The following UNC5C variants were observed in gnomAD, a reference collection of about 807,000 sequenced individuals.
The protein encoded by UNC5C is netrin receptor UNC5C.
A neutral mutation model predicts 99.8 loss-of-function variants in UNC5C; 47 were observed. The ratio of observed to expected loss-of-function variants is 0.47; its 90% CI spans 0.37 to 0.60. The LOEUF is 0.60. Among genes scored for constraint, UNC5C ranks in the 20% least tolerant of loss-of-function variants. The probability of loss-of-function intolerance (pLI) is 0.00; values close to 1 mark genes in which losing one functional copy is unlikely to be tolerated. For missense variants in UNC5C, 1,062 were observed against 1,165.9 expected (o/e 0.91, Z 1.30); for synonymous variants, 487 against 452.2 (o/e 1.08, Z -0.98).
At chr4:95,513,178 T>A (rs1306475659) in intron 1 of UNC5C, among the ~76,000 whole-genome samples, 1 of 152,206 alleles carries the variant, frequency 6.6e-6, no homozygotes, top group Non-Finnish European at 1.5e-5. Flanking sequence ...CATCCCGGCA[T>A]GTAATGCAAT....
intron 1 of UNC5C, among the ~76,000 whole-genome samples, chr4:95,403,360 G>A (rs1209450447): frequency 1.3e-5 from 2 of 152,110 alleles, no homozygotes; most frequent in Admixed American, 6.6e-5. Flanking sequence ...CTGGAACCCC[G>A]CTGCTGCTCA....
At chr4:95,530,118 G>A (rs1471986753) in intron 1 of UNC5C, among the ~76,000 whole-genome samples, 6 of 151,978 alleles carry the variant, frequency 3.9e-5, no homozygotes, top group Non-Finnish European at 8.8e-5. Flanking sequence ...CATTTTTGAG[G>A]GTTGGTCTCT....
intron 12 of UNC5C, among the ~76,000 whole-genome samples, chr4:95,199,298 G>A (rs370136388): frequency 1.2e-3 from 178 of 152,254 alleles, no homozygotes; most frequent in South Asian, 5.6e-3. Context: ...CAATTCAAGC[G>A]TGGGTGTGAG....
chr4:95,314,431 A>G (rs552977677), intron 2 of UNC5C, among the ~76,000 whole-genome samples: 1 of 152,336 alleles, frequency 6.6e-6, no homozygotes, highest in African/African-American at 2.4e-5. Flanking sequence ...CCTGACATGA[A>G]GAATCAAAGT....
intron 1 of UNC5C, among the ~76,000 whole-genome samples, chr4:95,542,028 T>C (rs1157134168): frequency 2.0e-5 from 3 of 152,106 alleles, no homozygotes; most frequent in Non-Finnish European, 4.4e-5. Flanking sequence ...ATAGCTCTCA[T>C]AATTGCTGAG....
At position 95,166,579 on chromosome 4, in the gene UNC5C, A is replaced by C. The variant is rs1363534388; in HGVS notation, c.*2655T>G. The C allele has an allele frequency of 6.6e-6, 1 of 152,182 alleles. No individual in the cohort carries two copies. The highest frequency in any genetic ancestry group is 2.4e-5 in the African/African-American group (1 of 41,448). 9.4% of individuals were successfully genotyped at this position (152,182 alleles called of 1,614,324 possible). A position where few individuals can be genotyped will look rare whatever the true frequency, so the allele number is the denominator to read the frequency against. Reference sequence around the variant, plus strand: ...TGTTGGTGACTTTTTAGTCAAAATAAGTTTTTAGTAACAGTTATGGAATTG... The same window carrying C: ...TGTTGGTGACTTTTTAGTCAAAATACGTTTTTAGTAACAGTTATGGAATTG... On this transcript the variant is annotated 3_prime_UTR_variant, in exon 16 of 16. Coordinates refer to ENST00000453304, the MANE Select transcript of UNC5C (RefSeq NM_003728.4).
chr4:95,251,270 A>G (rs1221431430), intron 4 of UNC5C, among the ~76,000 whole-genome samples: 1 of 152,196 alleles, frequency 6.6e-6, no homozygotes, highest in African/African-American at 2.4e-5. Context: ...ATAGTTGGAG[A>G]TGTATCTAAG....
chr4:95,301,222 G>A (rs1477500551), intron 3 of UNC5C, among the ~76,000 whole-genome samples: 4 of 119,448 alleles, frequency 3.3e-5, no homozygotes, highest in Middle Eastern at 8.1e-3. Flanking sequence ...TTTTGAGACA[G>A]TCTTGCTCTG....
At chr4:95,171,926 C>T (rs900384555) in intron 14 of UNC5C, among the ~76,000 whole-genome samples, 1 of 151,644 alleles carries the variant, frequency 6.6e-6, no homozygotes, top group African/African-American at 2.4e-5. Context: ...TTAATGATTG[C>T]CATTCTAACT....
chr4:95,492,405 A>G (rs1260979778), intron 1 of UNC5C, among the ~76,000 whole-genome samples: 1 of 151,354 alleles, frequency 6.6e-6, no homozygotes, highest in African/African-American at 2.4e-5. Flanking sequence ...TTAACATGGA[A>G]TAATCTTAGC....
chr4:95,296,163 C>T (rs910259827), intron 3 of UNC5C, among the ~76,000 whole-genome samples: 11 of 152,220 alleles, frequency 7.2e-5, no homozygotes, highest in African/African-American at 2.4e-4. Context: ...TGATAAGGAT[C>T]AGCCTGTACA....
At chr4:95,286,729 G>A (rs1375292962) in intron 3 of UNC5C, among the ~76,000 whole-genome samples, 1 of 152,114 alleles carries the variant, frequency 6.6e-6, no homozygotes, top group African/African-American at 2.4e-5. Flanking sequence ...GGAGATGTGG[G>A]TACAAAACCA....
intron 1 of UNC5C, among the ~76,000 whole-genome samples, chr4:95,370,710 A>G (rs959561407): frequency 3.0e-4 from 46 of 152,248 alleles, no homozygotes; most frequent in African/African-American, 1.1e-3. Context: ...AGCAAACTGC[A>G]CCACCCATTG....
chr4:95,203,358 C>T (rs1023249674), intron 11 of UNC5C, among the ~76,000 whole-genome samples: 3 of 152,080 alleles, frequency 2.0e-5, no homozygotes, highest in African/African-American at 4.8e-5. Context: ...TAATCTTGGC[C>T]GTCAGATTCT....
At chr4:95,179,760 A>G (rs1037573246) in intron 14 of UNC5C, among the ~76,000 whole-genome samples, 9 of 151,454 alleles carry the variant, frequency 5.9e-5, no homozygotes, top group African/African-American at 1.9e-4. Flanking sequence ...AAAAAAAAAA[A>G]AAAAAGAAAA....
At chr4:95,196,815 ATATATT>A (rs1390601785) in intron 12 of UNC5C, among the ~76,000 whole-genome samples, 2,068 of 4,094 alleles carry the variant, frequency 0.51, 67 homozygotes, top group South Asian at 0.52. Context: ...AATATATAAT[ATATATT>A]TATATATTAT....
intron 12 of UNC5C, among the ~76,000 whole-genome samples, chr4:95,192,613 T>TTCTCCCCTGCTCACCC (rs1737196926): frequency 7.2e-6 from 1 of 138,118 alleles, no homozygotes; most frequent in Non-Finnish European, 1.6e-5. Flanking sequence ...CCTGCTCACC[T>TTCTCCCCTGCTCACCC]TCTCCCCTGC....
intron 2 of UNC5C, among the ~76,000 whole-genome samples, chr4:95,330,822 T>C (rs1040293593): frequency 1.3e-5 from 2 of 152,108 alleles, no homozygotes; most frequent in Non-Finnish European, 2.9e-5. Context: ...TTCATTCTTT[T>C]TATTTGTAGT....
At chr4:95,372,363 G>T (rs1031354965) in intron 1 of UNC5C, among the ~76,000 whole-genome samples, 1 of 152,110 alleles carries the variant, frequency 6.6e-6, no homozygotes, top group Admixed American at 6.5e-5. Context: ...TAAGTGTTTG[G>T]CATCCATGTA....
Sources: gnomAD v4.1 joint callset for allele counts (sites outside exome capture counted in the v4.1 genomes callset) on GRCh38, gnomAD v4.1.1 for gene constraint, MANE v1.5 for transcripts, NCBI Gene and HGNC (gene_info 2026-07-23, HGNC 2026-07-21) for gene names.